The following PCLO variants were observed in gnomAD, a reference collection of about 807,000 sequenced individuals.
PCLO encodes the protein piccolo presynaptic cytomatrix protein.
In PCLO, 82 loss-of-function variants were observed where a neutral mutation model predicts 427.5. The observed-to-expected ratio is 0.19, with a 90% CI of 0.16 to 0.23. PCLO has a LOEUF of 0.23. Ranked by LOEUF, PCLO falls within the 10% of genes least tolerant of loss-of-function variation. The pLI is 1.00. For synonymous variants in PCLO, 2,357 were observed against 2,155.4 expected, an observed-to-expected ratio of 1.09 and a Z score of -2.59; for missense variants, 6,239 against 6,115.9, an observed-to-expected ratio of 1.02 and a Z score of -0.67.
chr7:82,825,639 CATA>C (rs1350901543), intron 18 of PCLO, among the ~76,000 whole-genome samples: 1 of 147,376 alleles, frequency 6.8e-6, no homozygotes, highest in Non-Finnish European at 1.5e-5. Context: ...ATATATTATA[CATA>C]ATATGTATAG....
At chr7:82,834,356 G>C (rs1376192845) in intron 16 of PCLO, among the ~76,000 whole-genome samples, 2 of 152,126 alleles carry the variant, frequency 1.3e-5, no homozygotes, top group Non-Finnish European at 2.9e-5. Context: ...CCATAACAAG[G>C]AATCTATCAC....
chr7:82,865,530 A>G (rs1191830461), intron 10 of PCLO, among the ~76,000 whole-genome samples: 2 of 151,940 alleles, frequency 1.3e-5, no homozygotes, highest in Non-Finnish European at 2.9e-5. Flanking sequence ...CCACAAATAT[A>G]CATTTATATG....
chr7:82,951,340 C>G lies in PCLO; in HGVS notation c.9248G>C (p.Arg3083Thr). The change falls in exon 6 of 25, where the codon AGG becomes ACG. Residue 3083 changes from arginine to threonine, a missense_variant. Coordinates refer to ENST00000333891, the MANE Select transcript of PCLO (RefSeq NM_033026.6). Reference sequence around the variant, plus strand: ...AGAATAGACAACACCATTAGATGACCTCAAAACACTCCCCACACAATACTG... The same window carrying G: ...AGAATAGACAACACCATTAGATGACGTCAAAACACTCCCCACACAATACTG... ...GPQYCVGSVLRSSNGVVYSSV... is the reference protein window; with the variant it reads ...GPQYCVGSVLTSSNGVVYSSV... 1.2e-6 allele frequency: 2 copies of G among 1,609,512 alleles called. No homozygotes were observed. The highest frequency in any genetic ancestry group is 1.7e-6 in the Non-Finnish European group (2 of 1,177,808).
intron 8 of PCLO, among the ~76,000 whole-genome samples, chr7:82,908,422 T>C (rs1794243281): frequency 6.6e-6 from 1 of 152,064 alleles, no homozygotes; most frequent in Admixed American, 6.6e-5. Flanking sequence ...ATAGATCCAC[T>C]AAAATATCAG....
intron 4 of PCLO, among the ~76,000 whole-genome samples, chr7:82,960,771 C>A (rs10254722): frequency 6.6e-6 from 1 of 151,684 alleles, no homozygotes; most frequent in African/African-American, 2.4e-5. Context: ...ATAATATGAA[C>A]GACACAAATG....
At chr7:83,150,373 G>A (rs563651582) in intron 2 of PCLO, among the ~76,000 whole-genome samples, 3 of 152,328 alleles carry the variant, frequency 2.0e-5, no homozygotes, top group African/African-American at 7.2e-5. Flanking sequence ...GGCATCAAAG[G>A]CCTAGGCTTG....
intron 9 of PCLO, among the ~76,000 whole-genome samples, chr7:82,899,981 G>GT (rs1794001476): frequency 6.6e-6 from 1 of 151,476 alleles, no homozygotes; most frequent in Non-Finnish European, 1.5e-5. Flanking sequence ...ATACTATGTT[G>GT]TTTTGCTTTA....
chr7:82,908,093 G>T (rs1220893135), intron 8 of PCLO, among the ~76,000 whole-genome samples: 1 of 151,980 alleles, frequency 6.6e-6, no homozygotes, highest in Non-Finnish European at 1.5e-5. Context: ...TAATCATAAT[G>T]AGTACACAAC....
In PCLO at chr7:82,955,016, T is replaced by C. The variant is rs1410061524; in HGVS notation, c.5937A>G (p.Glu1979=). 1 of 1,613,868 alleles carries C rather than the reference T, an allele frequency of 6.2e-7. No homozygotes were observed. Among genetic ancestry groups the C allele is most frequent in the East Asian group, 2.2e-5 (1 of 44,878 alleles). Residue 1979 remains glutamate, a synonymous_variant, in exon 5 of 25, where the codon GAA becomes GAG. Transcript: ENST00000333891. ...VDGSLLTRQE[E]ENGFMQQKGR... Reference sequence around the variant, plus strand: ...CTTTCTGCTGCATAAATCCATTTTCTTCTTCTTGCCTTGTTAGCAGACTGC... The same window carrying C: ...CTTTCTGCTGCATAAATCCATTTTCCTCTTCTTGCCTTGTTAGCAGACTGC...
At chr7:83,058,654 C>A (rs757788573) in intron 3 of PCLO, among the ~76,000 whole-genome samples, 5 of 152,074 alleles carry the variant, frequency 3.3e-5, no homozygotes, top group Non-Finnish European at 5.9e-5. Context: ...ATCCTCCTCA[C>A]AGCTACTCTA....
intron 22 of PCLO, among the ~76,000 whole-genome samples, chr7:82,791,989 T>C (rs958434388): frequency 4.6e-5 from 7 of 152,158 alleles, no homozygotes; most frequent in African/African-American, 1.7e-4. Flanking sequence ...GAAAAAGAAG[T>C]TAAAAGTTAA....
intron 3 of PCLO, among the ~76,000 whole-genome samples, chr7:83,133,157 G>GT (rs1791615407): frequency 6.6e-6 from 1 of 151,788 alleles, no homozygotes; most frequent in African/African-American, 2.4e-5. Flanking sequence ...TTTTTCTATG[G>GT]TTTATTTTTT....
chr7:82,920,073 G>T (rs912721884), intron 6 of PCLO, among the ~76,000 whole-genome samples: 1 of 151,554 alleles, frequency 6.6e-6, no homozygotes, highest in African/African-American at 2.4e-5. Flanking sequence ...AATTCAAAAA[G>T]AACTGACTCT....
chr7:82,797,217 G>T (rs1330499655), intron 22 of PCLO, among the ~76,000 whole-genome samples: 1 of 152,058 alleles, frequency 6.6e-6, no homozygotes, highest in Non-Finnish European at 1.5e-5. Context: ...AGGGGTATTT[G>T]TTCTTCAAAG....
chr7:82,862,587 A>C (rs868466791), intron 10 of PCLO, among the ~76,000 whole-genome samples: 1 of 147,044 alleles, frequency 6.8e-6, no homozygotes, highest in Non-Finnish European at 1.5e-5. Flanking sequence ...AAAAAAAAAA[A>C]GAATTGGAAG....
At chr7:83,000,083 A>G (rs1352602923) in intron 3 of PCLO, among the ~76,000 whole-genome samples, 1 of 150,338 alleles carries the variant, frequency 6.7e-6, no homozygotes, top group African/African-American at 2.4e-5. Flanking sequence ...CAACAAAATC[A>G]TTAACTAGGT....
intron 10 of PCLO, among the ~76,000 whole-genome samples, chr7:82,873,021 A>T (rs142330833): frequency 6.6e-6 from 1 of 152,248 alleles, no homozygotes; most frequent in Non-Finnish European, 1.5e-5. Context: ...TTATCCTGGG[A>T]TAGTAACAGA....
At chr7:82,780,984 G>A (rs1790860238) in intron 22 of PCLO, among the ~76,000 whole-genome samples, 1 of 152,136 alleles carries the variant, frequency 6.6e-6, no homozygotes, top group Admixed American at 6.6e-5. Flanking sequence ...AGACTCAAAA[G>A]CAGTTCCTCA....
chr7:82,883,022 T>G (rs767634196), intron 9 of PCLO, among the ~76,000 whole-genome samples: 5 of 152,116 alleles, frequency 3.3e-5, no homozygotes, highest in Non-Finnish European at 7.4e-5. Context: ...AAAATACTTG[T>G]TTAATTTCAA....
Sources: allele counts gnomAD v4.1 joint callset (sites outside exome capture counted in the v4.1 genomes callset), GRCh38; gene constraint gnomAD v4.1.1; transcripts MANE v1.5; gene names NCBI Gene and HGNC (gene_info 2026-07-23, HGNC 2026-07-21).